The following ENTPD5 variants were observed in gnomAD, a reference collection of about 807,000 sequenced individuals.
The protein encoded by ENTPD5 is nucleoside diphosphate phosphatase ENTPD5.
Under a neutral mutation model 60.2 loss-of-function variants are expected in ENTPD5, and 49 were observed. The ratio of observed to expected loss-of-function variants is 0.81; its 90% CI spans 0.65 to 1.03. The LOEUF (loss-of-function observed/expected upper bound fraction) is 1.03, where lower values mean the gene tolerates loss of function less well. ENTPD5 is among the 50% of genes least tolerant of loss of function. ENTPD5 has a pLI of 0.00. For synonymous variants in ENTPD5, 187 were observed against 185.4 expected, an observed-to-expected ratio of 1.01 and a Z score of -0.07; for missense variants, 480 against 507.6, an observed-to-expected ratio of 0.95 and a Z score of 0.52.
At chr14:74,000,769 A>C (rs4903167) in intron 3 of ENTPD5, among the ~76,000 whole-genome samples, 106,754 of 151,852 alleles carry the variant, frequency 0.7, 38,035 homozygotes, top group South Asian at 0.78. Flanking sequence ...CAGAGCAAGA[A>C]CCTGTCTCAA....
chr14:73,982,919 T>C (rs2057750695), intron 6 of ENTPD5, 99 bp downstream of exon 6: 1 of 1,222,952 alleles, frequency 8.2e-7, no homozygotes, highest in East Asian at 2.3e-5. Context: ...AGTGGTGGAA[T>C]ACTGAAGGTA....
intron 5 of ENTPD5, among the ~76,000 whole-genome samples, 192 bp from the exon 6 acceptor site, chr14:73,983,353 T>C (rs2057769711): frequency 6.6e-6 from 1 of 152,078 alleles, no homozygotes; most frequent in South Asian, 2.1e-4. Flanking sequence ...GGCGCAGTGG[T>C]GTCTCACACC....
At position 73,988,441 on chromosome 14, in the gene ENTPD5, T is replaced by A. The variant is rs186312746; in HGVS notation, c.-70-269A>T. Among the ~76,000 whole-genome samples, 17 of 152,350 alleles carry A rather than the reference T, an allele frequency of 1.1e-4. 1 individual carries two copies. In the East Asian group the frequency reaches 2.5e-3, roughly 22 times the overall value. On this transcript the variant is annotated intron_variant, in intron 3 of 15. Transcript: ENST00000334696. ...CATATTTATGGAATACATGTGATAT[T>A]TTGATATATGCAGACGATGTGTAAA...
At chr14:74,011,979 A>T (rs1233492756) in intron 2 of ENTPD5, among the ~76,000 whole-genome samples, 1 of 152,226 alleles carries the variant, frequency 6.6e-6, no homozygotes, top group Non-Finnish European at 1.5e-5. Context: ...CAAAAAAGTT[A>T]AACTTACCTA....
At chr14:73,971,806 A>C (rs1164157356) in intron 14 of ENTPD5, 46 bp downstream of exon 14, 5 of 1,319,428 alleles carry the variant, frequency 3.8e-6, no homozygotes. Flanking sequence ...TAGAGTAGGC[A>C]GGCAGTCTCA....
intron 3 of ENTPD5, among the ~76,000 whole-genome samples, chr14:74,007,971 T>C (rs563170469): frequency 6.6e-6 from 1 of 151,534 alleles, no homozygotes; most frequent in South Asian, 2.1e-4. Context: ...GCTGGGATTA[T>C]AGGCACCCGC....
chr14:73,966,878 C>A lies in ENTPD5; in HGVS notation c.*50G>T. 7.2e-7 allele frequency: 1 copy of A among 1,384,584 alleles called. No individual in the cohort carries two copies. Among genetic ancestry groups the A allele is most frequent in the Non-Finnish European group, 1.0e-6 (1 of 972,272 alleles). The allele number at this position is 1,384,584 out of a possible 1,614,324, so 85.8% of individuals were successfully genotyped here. The stretch of plus-strand genomic sequence containing the variant: ...GTTCAGAAACTAAGTGCTCTCTCCT[C>A]CCCTTAAAAAGGTGTTGGCAAATGC... On this transcript the variant is annotated 3_prime_UTR_variant, in exon 16 of 16. Coordinates refer to ENST00000334696, the MANE Select transcript of ENTPD5 (RefSeq NM_001249.5).
chr14:74,001,251 C>G (rs181067829), intron 3 of ENTPD5, among the ~76,000 whole-genome samples: 1 of 152,134 alleles, frequency 6.6e-6, no homozygotes, highest in Non-Finnish European at 1.5e-5. Flanking sequence ...GCCTGTAATC[C>G]CAGCACTTTG....
intron 2 of ENTPD5, among the ~76,000 whole-genome samples, chr14:74,011,410 A>C (rs1273685240): frequency 6.6e-6 from 1 of 152,146 alleles, no homozygotes; most frequent in Non-Finnish European, 1.5e-5. Context: ...AAAGTCACCA[A>C]CAGCAAGAGA....
At chr14:73,972,102 G>T (rs2140487752) in intron 13 of ENTPD5, among the ~76,000 whole-genome samples, 194 bp from the exon 14 acceptor site, 1 of 152,174 alleles carries the variant, frequency 6.6e-6, no homozygotes, top group African/African-American at 2.4e-5. Flanking sequence ...CAATAGGCCG[G>T]GTGTGGTGGC....
chr14:74,002,284 T>C (rs2058534993), intron 3 of ENTPD5, among the ~76,000 whole-genome samples: 1 of 152,064 alleles, frequency 6.6e-6, no homozygotes, highest in Non-Finnish European at 1.5e-5. Flanking sequence ...AGAAGGATTA[T>C]CTAACAGGGC....
intron 3 of ENTPD5, among the ~76,000 whole-genome samples, chr14:73,999,571 G>A (rs991681142): frequency 2.0e-5 from 3 of 151,978 alleles, no homozygotes; most frequent in Non-Finnish European, 4.4e-5. Flanking sequence ...CAAGGTGGGC[G>A]GATCATGAGG....
chr14:73,988,407 G>A (rs745778129), intron 3 of ENTPD5, among the ~76,000 whole-genome samples: 10 of 152,092 alleles, frequency 6.6e-5, no homozygotes, highest in Non-Finnish European at 1.2e-4. Context: ...AAAATACAGA[G>A]TAATTGTACA....
intron 2 of ENTPD5, among the ~76,000 whole-genome samples, chr14:74,012,290 G>GA (rs1555367777): frequency 7.3e-6 from 1 of 137,186 alleles, no homozygotes; most frequent in African/African-American, 2.7e-5. Flanking sequence ...TTTTAGTAGA[G>GA]AGGGGGGGGT....
chr14:73,967,337 A>G (rs969853965), intron 15 of ENTPD5, among the ~76,000 whole-genome samples: 2 of 152,248 alleles, frequency 1.3e-5, no homozygotes, highest in Non-Finnish European at 2.9e-5. Flanking sequence ...TACACAAAGT[A>G]TCCCCTGCTT....
At chr14:73,968,883 G>C (rs910389981) in intron 15 of ENTPD5, among the ~76,000 whole-genome samples, 14 of 152,210 alleles carry the variant, frequency 9.2e-5, no homozygotes, top group Non-Finnish European at 2.1e-4. Flanking sequence ...AGATAAAGTA[G>C]AGCCTGCAGG....
chr14:73,983,010 A>T lies in ENTPD5; in HGVS notation c.441+8T>A. ...CAGAATGATCCAAGATGCAGTTTTA[A>T]AACTTACCTCAAAGAGCAGAGCCTT... On this transcript the variant is annotated splice_region_variant and intron_variant, in intron 6 of 15. Coordinates refer to ENST00000334696, the MANE Select transcript of ENTPD5 (RefSeq NM_001249.5). 1.2e-6 allele frequency: 2 copies of T among 1,612,570 alleles called. No individual in the cohort carries two copies. The highest frequency in any genetic ancestry group is 2.2e-5 in the South Asian group (2 of 91,002).
At chr14:73,980,408 C>T (rs921710222) in intron 6 of ENTPD5, among the ~76,000 whole-genome samples, 3 of 147,088 alleles carry the variant, frequency 2.0e-5, no homozygotes, top group Non-Finnish European at 3.0e-5. Context: ...GACCAACAGG[C>T]GTGAGCCACC....
chr14:74,016,100 C>G (rs538793553), intron 1 of ENTPD5, among the ~76,000 whole-genome samples, 170 bp from the exon 2 acceptor site: 1 of 152,248 alleles, frequency 6.6e-6, no homozygotes, highest in Admixed American at 6.5e-5. Flanking sequence ...GAAATGCTAC[C>G]AGATAAACTA....
Sources: gnomAD v4.1 joint callset for allele counts (sites outside exome capture counted in the v4.1 genomes callset) on GRCh38, gnomAD v4.1.1 for gene constraint, MANE v1.5 for transcripts, NCBI Gene and HGNC (gene_info 2026-07-23, HGNC 2026-07-21) for gene names.